The following GAS7 variants were observed in gnomAD, a reference collection of about 807,000 sequenced individuals.
GAS7 encodes growth arrest-specific protein 7.
A neutral mutation model predicts 71.1 loss-of-function variants in GAS7; 28 were observed. The ratio of observed to expected loss-of-function variants is 0.39; its 90% confidence interval spans 0.29 to 0.54. The LOEUF (loss-of-function observed/expected upper bound fraction) is 0.54. GAS7 is among the 20% of genes least tolerant of loss of function. GAS7 has a pLI of 0.62. For synonymous variants in GAS7, 258 were observed against 245.8 expected (o/e 1.05, Z -0.46); for missense variants, 436 against 627.8 (o/e 0.69, Z 3.27).
At chr17:9,931,835 G>A (rs1048873428) in intron 9 of GAS7, among the ~76,000 whole-genome samples, 3 of 152,160 alleles carry the variant, frequency 2.0e-5, no homozygotes, top group Non-Finnish European at 2.9e-5. Flanking sequence ...TTCCAACCCA[G>A]CTCTTTAGAA....
At position 9,933,827 on chromosome 17, in the gene GAS7, A is replaced by T. The variant is rs146907456; in HGVS notation, c.885+339T>A. 7.2e-4 allele frequency among the ~76,000 whole-genome samples: 109 copies of T among 152,380 alleles called. 1 individual carries two copies. The highest frequency in any genetic ancestry group is 2.5e-3 in the African/African-American group (106 of 41,590). Reference sequence around the variant, plus strand: ...GTCACTGCACTCCAGCCTGGGCAACACAGTGAGACCTTGTCTTTTTAAAAA... The same window carrying T: ...GTCACTGCACTCCAGCCTGGGCAACTCAGTGAGACCTTGTCTTTTTAAAAA... On this transcript the variant is annotated intron_variant, in intron 9 of 13. Coordinates refer to ENST00000432992, the MANE Select transcript of GAS7 (RefSeq NM_201433.2).
At chr17:10,014,417 C>T (rs780214950) in intron 2 of GAS7, among the ~76,000 whole-genome samples, 18 of 152,200 alleles carry the variant, frequency 1.2e-4, no homozygotes, top group African/African-American at 3.9e-4. Context: ...GATCATGTCA[C>T]GCCACCGCCT....
intron 4 of GAS7, among the ~76,000 whole-genome samples, chr17:9,966,392 TG>T (rs1423955775): frequency 6.6e-6 from 1 of 152,274 alleles, no homozygotes; most frequent in East Asian, 1.9e-4. Flanking sequence ...TTTTGAGATC[TG>T]GGGCTTTCCA....
chr17:10,093,993 C>T (rs2073615861), intron 1 of GAS7, among the ~76,000 whole-genome samples: 3 of 152,204 alleles, frequency 2.0e-5, no homozygotes, highest in Admixed American at 2.0e-4. Context: ...ACTTCCTTAA[C>T]CCATGGACTA....
chr17:10,186,888 C>CAAAAA (rs10627234), intron 1 of GAS7, among the ~76,000 whole-genome samples: 4 of 148,464 alleles, frequency 2.7e-5, no homozygotes, highest in Admixed American at 2.0e-4. Context: ...ATTCTGTCTC[C>CAAAAA]AAAAAAAAAC....
intron 1 of GAS7, among the ~76,000 whole-genome samples, chr17:10,149,307 T>A (rs556286965): frequency 6.6e-6 from 1 of 152,202 alleles, no homozygotes; most frequent in African/African-American, 2.4e-5. Context: ...TTTGCCACAT[T>A]AGCCAGGCTG....
At chr17:10,082,075 C>T (rs1011248691) in intron 1 of GAS7, among the ~76,000 whole-genome samples, 1 of 151,928 alleles carries the variant, frequency 6.6e-6, no homozygotes, top group African/African-American at 2.4e-5. Context: ...TCTACATGCA[C>T]CAACACGAAA....
chr17:9,954,173 C>T (rs375611349), intron 5 of GAS7, among the ~76,000 whole-genome samples: 24 of 152,260 alleles, frequency 1.6e-4, no homozygotes, highest in South Asian at 1.2e-3. Flanking sequence ...CCGCGTTGCT[C>T]GGTTTGGCTG....
intron 2 of GAS7, among the ~76,000 whole-genome samples, chr17:9,993,228 A>G (rs1026055846): frequency 4.0e-5 from 6 of 151,644 alleles, no homozygotes; most frequent in African/African-American, 1.2e-4. Flanking sequence ...CCAACAGTGT[A>G]AAAGTGTTCC....
At position 9,927,177 on chromosome 17, in the gene GAS7, G is replaced by A. The variant is rs190508851; in HGVS notation, c.886-408C>T. ...AGTTAATAATCAATGGGCTGGGCAC[G>A]GTGGCTCATGCCTGTAATCCCAGCA... On this transcript the variant is annotated intron_variant, in intron 9 of 13. Coordinates refer to ENST00000432992, the MANE Select transcript of GAS7 (RefSeq NM_201433.2). Among the ~76,000 whole-genome samples the A allele has an allele frequency of 7.7e-3, 956 of 124,132 alleles. 7 individuals are homozygous for A. Among genetic ancestry groups the A allele is most frequent in the South Asian group, 0.018 (73 of 4,126 alleles). 81.4% of individuals were successfully genotyped at this position (124,132 alleles called of 152,430 possible).
chr17:10,046,134 CTTT>C (rs987663986), intron 1 of GAS7, among the ~76,000 whole-genome samples: 4 of 152,100 alleles, frequency 2.6e-5, no homozygotes, highest in Non-Finnish European at 5.9e-5. Context: ...TCTGGAGATT[CTTT>C]TTTTTAATCC....
Position 10,029,994 on chromosome 17 carries a change from C to T in GAS7, c.184-10097G>A, listed in dbSNP as rs73974408. 2.7e-3 allele frequency among the ~76,000 whole-genome samples: 404 copies of T among 152,260 alleles called. 3 individuals carry two copies. Among genetic ancestry groups the T allele is most frequent in the African/African-American group, 8.4e-3 (351 of 41,554 alleles). ...CCTCCCGTCCCCATAGTGAAGCATC[C>T]GTGTCCTGTTGTCCCTCCTGCCAAA... On this transcript the variant is annotated intron_variant, in intron 1 of 13. Coordinates refer to ENST00000432992, the MANE Select transcript of GAS7 (RefSeq NM_201433.2).
chr17:10,185,255 C>A (rs2074443658), intron 1 of GAS7, among the ~76,000 whole-genome samples: 1 of 152,200 alleles, frequency 6.6e-6, no homozygotes, highest in South Asian at 2.1e-4. Context: ...ATTTGATAAG[C>A]TTCTGGGTTG....
chr17:10,180,331 C>CAA (rs34829725), intron 1 of GAS7, among the ~76,000 whole-genome samples: 1,099 of 96,332 alleles, frequency 0.011, 33 homozygotes, highest in African/African-American at 0.035. Flanking sequence ...AACTCTGCCT[C>CAA]AAAAAAAAAA....
chr17:10,186,696 G>A (rs1020434842), intron 1 of GAS7, among the ~76,000 whole-genome samples: 6 of 152,200 alleles, frequency 3.9e-5, no homozygotes, highest in African/African-American at 7.2e-5. Flanking sequence ...GTGAGCCACC[G>A]TGCCCGGCCC....
At chr17:10,147,924 C>T (rs1040345331) in intron 1 of GAS7, among the ~76,000 whole-genome samples, 2 of 152,204 alleles carry the variant, frequency 1.3e-5, no homozygotes, top group Admixed American at 6.5e-5. Context: ...CTTTTACCAA[C>T]TGCCACTTCC....
chr17:10,046,804 G>A (rs1188180067), intron 1 of GAS7, among the ~76,000 whole-genome samples: 1 of 91,280 alleles, frequency 1.1e-5, no homozygotes, highest in African/African-American at 5.4e-5. Flanking sequence ...AAGGAAGGAA[G>A]GAAGGAAGGA....
intron 1 of GAS7, among the ~76,000 whole-genome samples, chr17:10,128,426 C>T (rs372209981): frequency 2.9e-4 from 44 of 151,818 alleles, no homozygotes; most frequent in African/African-American, 1.0e-3. Context: ...GCCCGGGATT[C>T]CATACTTGAT....
At chr17:10,013,364 G>A (rs776410670) in intron 2 of GAS7, among the ~76,000 whole-genome samples, 6 of 152,190 alleles carry the variant, frequency 3.9e-5, no homozygotes, top group Non-Finnish European at 7.4e-5. Flanking sequence ...ACTAGCTGAG[G>A]TCCCTGGATG....
Sources: gnomAD v4.1 joint callset for allele counts (sites outside exome capture counted in the v4.1 genomes callset) on GRCh38, gnomAD v4.1.1 for gene constraint, MANE v1.5 for transcripts, NCBI Gene and HGNC (gene_info 2026-07-23, HGNC 2026-07-21) for gene names.